RBFOX1: variants seen among roughly 807,000 people sequenced by gnomAD.
RBFOX1 encodes the protein RNA binding fox-1 homolog 1.
RBFOX1 carries 8 observed loss-of-function variants against 57.7 expected under a neutral mutation model. That is an observed-to-expected ratio of 0.14 (90% CI 0.08 to 0.25). RBFOX1 has a LOEUF of 0.25. Ranked by LOEUF, RBFOX1 falls within the 10% of genes least tolerant of loss-of-function variation. The pLI, the probability that RBFOX1 is intolerant of heterozygous loss-of-function variation, is 1.00. For missense variants in RBFOX1, 611 were observed against 548.5 expected (o/e 1.11, Z -1.14); for synonymous variants, 326 against 222.4 (o/e 1.47, Z -4.15).
At chr16:5,546,175 G>A (rs34255639) in intron 2 of RBFOX1, among the ~76,000 whole-genome samples, 44,564 of 151,960 alleles carry the variant, frequency 0.29, 7,215 homozygotes, top group Non-Finnish European at 0.36. Context: ...AACTAATGAA[G>A]AACTAAATAA....
intron 4 of RBFOX1, among the ~76,000 whole-genome samples, chr16:7,087,996 T>C (rs2060247455): frequency 6.6e-6 from 1 of 152,232 alleles, no homozygotes; most frequent in Non-Finnish European, 1.5e-5. Context: ...AAGGTGATTA[T>C]ACTTGTGGCA....
intron 1 of RBFOX1, among the ~76,000 whole-genome samples, chr16:5,312,909 C>G (rs191307065): frequency 6.6e-6 from 1 of 152,292 alleles, no homozygotes; most frequent in African/African-American, 2.4e-5. Context: ...GTCTTGCTGC[C>G]TCTCACATGG....
chr16:6,551,866 C>T (rs1294828378), intron 2 of RBFOX1, among the ~76,000 whole-genome samples: 3 of 152,202 alleles, frequency 2.0e-5, no homozygotes, highest in South Asian at 2.1e-4. Context: ...GTGCGTTGGT[C>T]ATTTCAGAGT....
At chr16:6,995,014 T>C (rs1215056000) in intron 3 of RBFOX1, among the ~76,000 whole-genome samples, 2 of 150,638 alleles carry the variant, frequency 1.3e-5, no homozygotes, top group Non-Finnish European at 3.0e-5. Flanking sequence ...TACGTGTGTA[T>C]ATGGATATAT....
chr16:6,524,130 T>A (rs940610067), intron 2 of RBFOX1, among the ~76,000 whole-genome samples: 14 of 152,162 alleles, frequency 9.2e-5, no homozygotes, highest in Admixed American at 1.3e-4. Flanking sequence ...ACCACCCTTA[T>A]TTCCTCCCCC....
At chr16:5,957,145 C>G (rs1317460709) in intron 4 of RBFOX1, among the ~76,000 whole-genome samples, 3 of 152,314 alleles carry the variant, frequency 2.0e-5, no homozygotes, top group South Asian at 4.1e-4. Context: ...GACCAAATGT[C>G]TACCTGAACA....
chr16:6,989,915 T>G (rs2091128622), intron 3 of RBFOX1, among the ~76,000 whole-genome samples: 1 of 151,972 alleles, frequency 6.6e-6, no homozygotes, highest in African/African-American at 2.4e-5. Flanking sequence ...ACGGGAGAAT[T>G]GCTTGAATTC....
At position 5,634,186 on chromosome 16, in the gene RBFOX1, A is replaced by G. The variant is rs573588009; in HGVS notation, c.318+35225A>G. 7.9e-5 allele frequency among the ~76,000 whole-genome samples: 12 copies of G among 152,306 alleles called. No homozygotes were observed. The South Asian group carries it at 8.3e-4, about 11-fold the overall frequency. ...TGTGTACATCAGTTGGCAAATTAACATTTTGGGTATTGCAAATTTGATATA... is the reference window on the plus strand; with the variant it reads ...TGTGTACATCAGTTGGCAAATTAACGTTTTGGGTATTGCAAATTTGATATA... On this transcript the variant is annotated intron_variant, in intron 3 of 19. Coordinates refer to the RBFOX1 transcript ENST00000641259.
chr16:5,769,660 G>C (rs899691960), intron 3 of RBFOX1, among the ~76,000 whole-genome samples: 4 of 151,900 alleles, frequency 2.6e-5, no homozygotes, highest in African/African-American at 9.7e-5. Flanking sequence ...CTCAAAAAAG[G>C]AGGAGAAATT....
chr16:7,067,721 T>C (rs1424810268), intron 4 of RBFOX1, among the ~76,000 whole-genome samples: 16 of 128,826 alleles, frequency 1.2e-4, no homozygotes, highest in Non-Finnish European at 2.4e-4. Context: ...GAGTGTGATG[T>C]TCCCCTTCCT....
At chr16:6,661,391 C>T (rs1199676361) in intron 3 of RBFOX1, among the ~76,000 whole-genome samples, 2 of 152,090 alleles carry the variant, frequency 1.3e-5, no homozygotes, top group Non-Finnish European at 2.9e-5. Flanking sequence ...AATGCAAGTC[C>T]AGTGTGTGTG....
At chr16:6,256,247 G>GTATA (rs1202068255) in intron 1 of RBFOX1, among the ~76,000 whole-genome samples, 1 of 78,346 alleles carries the variant, frequency 1.3e-5, no homozygotes, top group African/African-American at 5.8e-5. Context: ...ATATATATAT[G>GTATA]TATATATATG....
In RBFOX1 at chr16:7,332,912, G is replaced by C. The variant is rs1252212100; in HGVS notation, c.28-185235G>C. 2.5e-6 allele frequency: 4 copies of C among 1,594,018 alleles called. No individual in the cohort carries two copies. In the African/African-American group the frequency reaches 5.4e-5, roughly 21 times the overall value. Reference sequence around the variant, plus strand: ...CAGAAGGGATTTGGCTCCCAGCTTTGTAGTTCGGAAGAAGTTGGGTCTATA... The same window carrying C: ...CAGAAGGGATTTGGCTCCCAGCTTTCTAGTTCGGAAGAAGTTGGGTCTATA... On this transcript the variant is annotated intron_variant, in intron 4 of 15. Transcript: ENST00000550418.
intron 1 of RBFOX1, among the ~76,000 whole-genome samples, chr16:6,106,941 G>T (rs1479767392): frequency 6.6e-6 from 1 of 152,104 alleles, no homozygotes; most frequent in African/African-American, 2.4e-5. Context: ...AAAGGGCTGG[G>T]ATTACAGGCG....
intron 4 of RBFOX1, among the ~76,000 whole-genome samples, chr16:5,937,587 A>G (rs1054775123): frequency 1.3e-4 from 19 of 151,040 alleles, no homozygotes; most frequent in Non-Finnish European, 2.5e-4. Context: ...ATATATAACT[A>G]TATGATACAG....
intron 2 of RBFOX1, among the ~76,000 whole-genome samples, chr16:6,384,617 C>A (rs908363426): frequency 6.6e-6 from 1 of 152,194 alleles, no homozygotes; most frequent in Non-Finnish European, 1.5e-5. Context: ...TCTAATTCGT[C>A]TCCTTTTGCA....
At chr16:7,012,425 C>G (rs966038275) in intron 3 of RBFOX1, among the ~76,000 whole-genome samples, 1 of 152,158 alleles carries the variant, frequency 6.6e-6, no homozygotes, top group Non-Finnish European at 1.5e-5. Flanking sequence ...ATGGGTGTGT[C>G]ATAGGCAAGG....
At chr16:5,927,747 G>T (rs892480512) in intron 4 of RBFOX1, among the ~76,000 whole-genome samples, 2 of 152,208 alleles carry the variant, frequency 1.3e-5, no homozygotes, top group African/African-American at 4.8e-5. Flanking sequence ...GTATATACAT[G>T]ATGGAATACT....
intron 3 of RBFOX1, among the ~76,000 whole-genome samples, chr16:5,671,702 GC>G (rs2151418554): frequency 6.6e-6 from 1 of 152,322 alleles, no homozygotes. Flanking sequence ...TGAAAGGGGT[GC>G]CTCTCTCACC....
Sources: gnomAD v4.1 joint callset for allele counts (sites outside exome capture counted in the v4.1 genomes callset) on GRCh38, gnomAD v4.1.1 for gene constraint, MANE v1.5 for transcripts, NCBI Gene and HGNC (gene_info 2026-07-23, HGNC 2026-07-21) for gene names.